The following AIG1 variants were observed in gnomAD, a reference collection of about 807,000 sequenced individuals.
AIG1 encodes the protein androgen-induced gene 1 protein.
Under a neutral mutation model 31.4 loss-of-function variants are expected in AIG1, and 23 were observed. The ratio of observed to expected loss-of-function variants is 0.73; its 90% confidence interval spans 0.53 to 1.04. The LOEUF is 1.04. Ranked by LOEUF, AIG1 falls within the 50% of genes least tolerant of loss-of-function variation. The pLI, the probability that AIG1 is intolerant of heterozygous loss-of-function variation, is 0.00. For synonymous variants in AIG1, 100 were observed against 110.5 expected (o/e 0.90, Z 0.60); for missense variants, 274 against 295.0 (o/e 0.93, Z 0.52).
chr6:143,227,277 G>A (rs1319825566), intron 3 of AIG1, among the ~76,000 whole-genome samples: 1 of 152,136 alleles, frequency 6.6e-6, no homozygotes, highest in Non-Finnish European at 1.5e-5. Flanking sequence ...CCTGGGCCCT[G>A]GACAAAGTGT....
chr6:143,290,993 A>G (rs1230157610), intron 4 of AIG1, among the ~76,000 whole-genome samples: 1 of 152,030 alleles, frequency 6.6e-6, no homozygotes, highest in Admixed American at 6.5e-5. Context: ...TTTTGGATCT[A>G]GGGGAGCTGT....
At chr6:143,307,817 G>GAGGC (rs991392854) in intron 4 of AIG1, among the ~76,000 whole-genome samples, 1 of 152,236 alleles carries the variant, frequency 6.6e-6, no homozygotes, top group Non-Finnish European at 1.5e-5. Context: ...GGAGCCTACA[G>GAGGC]AGGCAGGCAG....
chr6:143,086,552 A>C (rs767844664), intron 1 of AIG1, among the ~76,000 whole-genome samples: 6 of 152,114 alleles, frequency 3.9e-5, no homozygotes, highest in Non-Finnish European at 4.4e-5. Flanking sequence ...ATAACTGCCC[A>C]TGTTGAGAGC....
intron 4 of AIG1, among the ~76,000 whole-genome samples, chr6:143,312,286 A>T (rs181775634): frequency 5.6e-4 from 85 of 151,974 alleles, no homozygotes; most frequent in African/African-American, 2.0e-3. Flanking sequence ...GAACTGAAAC[A>T]CTCACATTAC....
At chr6:143,300,498 T>G (rs1473114359) in intron 4 of AIG1, among the ~76,000 whole-genome samples, 1 of 152,182 alleles carries the variant, frequency 6.6e-6, no homozygotes, top group Non-Finnish European at 1.5e-5. Context: ...GGATTCCCAG[T>G]GTAATCTAGC....
intron 1 of AIG1, among the ~76,000 whole-genome samples, chr6:143,130,806 G>A (rs1431688184): frequency 1.3e-5 from 2 of 152,142 alleles, no homozygotes; most frequent in Non-Finnish European, 2.9e-5. Flanking sequence ...TTGTTGTACA[G>A]ATTGTTTCAT....
chr6:143,324,916 A>G (rs1348492049), intron 4 of AIG1, among the ~76,000 whole-genome samples: 5 of 152,234 alleles, frequency 3.3e-5, no homozygotes, highest in Non-Finnish European at 7.3e-5. Flanking sequence ...TGACCACCCC[A>G]ACTCATGACA....
intron 3 of AIG1, among the ~76,000 whole-genome samples, chr6:143,172,899 A>G (rs569776204): frequency 2.0e-5 from 3 of 152,238 alleles, no homozygotes; most frequent in South Asian, 4.1e-4. Context: ...TTTCTGTGGT[A>G]TCAGTTGTAA....
At chr6:143,212,480 G>T (rs915663899) in intron 3 of AIG1, among the ~76,000 whole-genome samples, 3 of 152,128 alleles carry the variant, frequency 2.0e-5, no homozygotes, top group African/African-American at 7.2e-5. Flanking sequence ...TTTGTTTGGG[G>T]TTTTCTACCT....
chr6:143,332,300 C>T (rs1042327915), intron 4 of AIG1, among the ~76,000 whole-genome samples: 7 of 152,262 alleles, frequency 4.6e-5, no homozygotes, highest in African/African-American at 1.4e-4. Context: ...TTTATTTAGT[C>T]TTCACAATTG....
At chr6:143,120,550 G>A (rs1357970381) in intron 1 of AIG1, among the ~76,000 whole-genome samples, 3 of 152,048 alleles carry the variant, frequency 2.0e-5, no homozygotes, top group Non-Finnish European at 4.4e-5. Context: ...AAAACCATCC[G>A]ATCTCATGAG....
intron 1 of AIG1, among the ~76,000 whole-genome samples, chr6:143,062,245 G>T (rs17072175): frequency 0.039 from 5,909 of 152,228 alleles, 155 homozygotes; most frequent in African/African-American, 0.067. Context: ...TTTCAATTCT[G>T]TTGCCCAGCA....
intron 4 of AIG1, among the ~76,000 whole-genome samples, chr6:143,322,102 G>A (rs1012620627): frequency 2.0e-5 from 3 of 152,192 alleles, no homozygotes; most frequent in Non-Finnish European, 4.4e-5. Context: ...CATAGAGCAG[G>A]AACTCAGAAA....
intron 3 of AIG1, among the ~76,000 whole-genome samples, chr6:143,224,968 G>T (rs932863282): frequency 2.6e-5 from 4 of 152,046 alleles, no homozygotes; most frequent in Non-Finnish European, 4.4e-5. Context: ...CCCATTGCCC[G>T]CTTAATAAAG....
chr6:143,067,612 C>T (rs1024872949), intron 1 of AIG1, among the ~76,000 whole-genome samples: 9 of 152,306 alleles, frequency 5.9e-5, no homozygotes, highest in Admixed American at 3.3e-4. Context: ...TATTTATTTA[C>T]ATACTTATCA....
chr6:143,145,112 C>T (rs1784594578), intron 2 of AIG1, among the ~76,000 whole-genome samples: 1 of 152,172 alleles, frequency 6.6e-6, no homozygotes, highest in Non-Finnish European at 1.5e-5. Flanking sequence ...GCAAACTCCA[C>T]CTCTCAGGCT....
At chr6:143,165,496 G>T (rs969295053) in intron 3 of AIG1, among the ~76,000 whole-genome samples, 2 of 151,686 alleles carry the variant, frequency 1.3e-5, no homozygotes, top group African/African-American at 4.9e-5. Flanking sequence ...CCATTAGAAG[G>T]CTTGTCCTCA....
At chr6:143,307,664 TGAG>T (rs1211557084) in intron 4 of AIG1, among the ~76,000 whole-genome samples, 1 of 152,082 alleles carries the variant, frequency 6.6e-6, no homozygotes, top group Non-Finnish European at 1.5e-5. Flanking sequence ...GGGACCCACT[TGAG>T]GAGGCAGTCT....
intron 4 of AIG1, among the ~76,000 whole-genome samples, chr6:143,305,866 C>G (rs913439113): frequency 6.6e-6 from 1 of 151,984 alleles, no homozygotes; most frequent in Non-Finnish European, 1.5e-5. Context: ...GTCTAAGTCT[C>G]TTTGTAGGTC....
Sources: allele counts gnomAD v4.1 joint callset (sites outside exome capture counted in the v4.1 genomes callset), GRCh38; gene constraint gnomAD v4.1.1; transcripts MANE v1.5; gene names NCBI Gene and HGNC (gene_info 2026-07-23, HGNC 2026-07-21).